The following TTC17 variants were observed in gnomAD, a reference collection of about 807,000 sequenced individuals.
The protein encoded by TTC17 is tetratricopeptide repeat domain 17.
A neutral mutation model predicts 143.8 loss-of-function variants in TTC17; 58 were observed. The ratio of observed to expected loss-of-function variants is 0.40; its 90% CI spans 0.33 to 0.50. The LOEUF (loss-of-function observed/expected upper bound fraction) is 0.50, where lower values mean the gene tolerates loss of function less well. TTC17 is among the 20% of genes least tolerant of loss of function. The probability of loss-of-function intolerance (pLI) is 0.49; values close to 1 mark genes in which losing one functional copy is unlikely to be tolerated. For missense variants in TTC17, 1,273 were observed against 1,392.5 expected (o/e 0.91, Z 1.37); for synonymous variants, 501 against 497.8 (o/e 1.01, Z -0.09).
At position 43,359,120 on chromosome 11, in the gene TTC17, G is replaced by A. The variant is rs1259840361; in HGVS notation, c.159+7G>A. The A allele has an allele frequency of 1.9e-6, 3 of 1,578,162 alleles. No homozygotes were observed. Among genetic ancestry groups the A allele is most frequent in the Non-Finnish European group, 1.7e-6 (2 of 1,164,468 alleles). On this transcript the variant is annotated splice_region_variant and intron_variant, in intron 1 of 23. Transcript: ENST00000039989. ...CGGGAAAATCCAGCAGCAGGTAGCG[G>A]CCGGGGCGTCCCTCTTCTCCCGTGC...
chr11:43,483,055 T>C (rs1010842906), intron 21 of TTC17, among the ~76,000 whole-genome samples: 2 of 152,146 alleles, frequency 1.3e-5, no homozygotes, highest in African/African-American at 4.8e-5. Context: ...AAGCATATAA[T>C]TGCAACTTTA....
intron 6 of TTC17, 64 bp downstream of exon 6, chr11:43,396,882 C>T: frequency 1.1e-6 from 1 of 937,092 alleles, no homozygotes; most frequent in Non-Finnish European, 1.6e-6. Flanking sequence ...AGAAACAATA[C>T]ATAAGAAAGC....
intron 23 of TTC17, 36 bp downstream of exon 23, chr11:43,492,199 G>T: frequency 1.3e-6 from 2 of 1,590,956 alleles, no homozygotes; most frequent in South Asian, 2.3e-5. Flanking sequence ...TACCAACTCT[G>T]CCAAACAGTA....
chr11:43,359,538 G>A (rs932116132), intron 1 of TTC17, among the ~76,000 whole-genome samples: 1 of 152,224 alleles, frequency 6.6e-6, no homozygotes, highest in African/African-American at 2.4e-5. Context: ...CGAGTCCCAT[G>A]GTATGACAGC....
chr11:43,475,772 G>C (rs1467339874), intron 21 of TTC17, among the ~76,000 whole-genome samples: 2 of 152,164 alleles, frequency 1.3e-5, no homozygotes, highest in African/African-American at 2.4e-5. Context: ...TCAAATTTGG[G>C]ATTTTCAGAT....
intron 1 of TTC17, among the ~76,000 whole-genome samples, chr11:43,378,240 A>C (rs920550334): frequency 1.3e-5 from 2 of 152,168 alleles, no homozygotes; most frequent in Non-Finnish European, 2.9e-5. Context: ...TCACACTTCC[A>C]CAGTTTCTTC....
intron 16 of TTC17, among the ~76,000 whole-genome samples, chr11:43,421,643 T>G (rs1052158079): frequency 6.6e-6 from 1 of 152,212 alleles, no homozygotes; most frequent in Non-Finnish European, 1.5e-5. Flanking sequence ...ACGATCCTTA[T>G]GAGAATCTAA....
chr11:43,467,819 G>A (rs1210526723), intron 21 of TTC17, among the ~76,000 whole-genome samples: 1 of 151,780 alleles, frequency 6.6e-6, no homozygotes, highest in African/African-American at 2.4e-5. Flanking sequence ...AAGACATAAA[G>A]GAATTTGTGG....
At position 43,391,589 on chromosome 11, in the gene TTC17, C is replaced by T. The variant is rs1312465322; in HGVS notation, c.531+13C>T. On this transcript the variant is annotated intron_variant, in intron 4 of 23. Transcript: ENST00000039989. ...TCAGCACTTGAGAGTAAGTAGAGAA[C>T]TTTAGGATTTTTTTTTTTTTGCGTT... The T allele has an allele frequency of 7.0e-7, 1 of 1,433,908 alleles. No individual in the cohort carries two copies. Among genetic ancestry groups the T allele is most frequent in the Non-Finnish European group, 9.3e-7 (1 of 1,076,626 alleles). 88.8% of individuals were successfully genotyped at this position (1,433,908 alleles called of 1,614,324 possible).
chr11:43,414,721 C>G lies in TTC17; in HGVS notation c.2196C>G (p.Ile732Met). ...CPECENSLKL[I>M]RCMQFYPFLY... is the part of the protein sequence containing the mutation. The stretch of plus-strand genomic sequence containing the variant: ...AGTGTGAAAACAGCCTGAAGTTGAT[C>G]CGCTGTATGCAGTTTTATCCTTTTC... The change falls in exon 16 of 24, where the codon ATC becomes ATG. Residue 732 changes from isoleucine to methionine, a missense_variant. Ile to Met is a conservative substitution (Grantham distance 10, BLOSUM62 1). Around this residue, in one of 3 missense-constraint regions of TTC17, gnomAD observed 878 missense variants for 899.8 expected, o/e 0.98. Transcript: ENST00000039989. The G allele has an allele frequency of 1.2e-6, 2 of 1,613,696 alleles. No homozygotes were observed. The highest frequency in any genetic ancestry group is 8.5e-7 in the Non-Finnish European group (1 of 1,179,778).
chr11:43,490,505 G>A, intron 22 of TTC17, 147 bp downstream of exon 22: 2 of 1,289,766 alleles, frequency 1.6e-6, no homozygotes, highest in South Asian at 1.9e-5. Flanking sequence ...CCTTCTGACT[G>A]GGCTTGTGCC....
chr11:43,397,537 C>CTTTT (rs376723044), intron 7 of TTC17, 46 bp downstream of exon 7: 93 of 1,215,946 alleles, frequency 7.6e-5, no homozygotes, highest in Middle Eastern at 2.8e-4. Flanking sequence ...TTGCCACTTT[C>CTTTT]TTTTTTTTTT....
At chr11:43,465,802 G>A (rs1482995517) in intron 21 of TTC17, among the ~76,000 whole-genome samples, 4 of 152,136 alleles carry the variant, frequency 2.6e-5, no homozygotes, top group Admixed American at 2.0e-4. Flanking sequence ...ATGGTCCAAA[G>A]ACCTAAGTGT....
chr11:43,373,961 G>A (rs1295000356), intron 1 of TTC17, among the ~76,000 whole-genome samples: 3 of 152,132 alleles, frequency 2.0e-5, no homozygotes, highest in Admixed American at 2.0e-4. Context: ...CTGATCTCTG[G>A]TACCTTAGCC....
intron 1 of TTC17, among the ~76,000 whole-genome samples, chr11:43,366,278 T>C (rs1238879546): frequency 6.6e-6 from 1 of 152,090 alleles, no homozygotes; most frequent in East Asian, 1.9e-4. Flanking sequence ...GTTCTTCTCC[T>C]TTGTTTTATT....
chr11:43,393,326 C>T (rs184087991), intron 5 of TTC17, among the ~76,000 whole-genome samples: 7 of 152,206 alleles, frequency 4.6e-5, no homozygotes, highest in Non-Finnish European at 7.4e-5. Context: ...GAACAGCTCA[C>T]GGAAGTCAGG....
At chr11:43,395,012 T>C (rs2134543904) in intron 5 of TTC17, among the ~76,000 whole-genome samples, 1 of 152,286 alleles carries the variant, frequency 6.6e-6, no homozygotes, top group Non-Finnish European at 1.5e-5. Flanking sequence ...ACAAAGATAT[T>C]TCTTTAAATA....
Position 43,402,288 on chromosome 11 carries a change from T to C in TTC17, c.1332+730T>C, listed in dbSNP as rs189927717. On this transcript the variant is annotated intron_variant, in intron 10 of 23. Coordinates refer to ENST00000039989, the MANE Select transcript of TTC17 (RefSeq NM_018259.6). ...CCTATTTAAAATTTGAGAGCAACCA[T>C]GCTATTTGTTTCCTGAAGTAATCAG... Among the ~76,000 whole-genome samples, 12 of 152,298 alleles carry C rather than the reference T, an allele frequency of 7.9e-5. No individual in the cohort carries two copies. In the East Asian group the frequency reaches 2.1e-3, roughly 27 times the overall value.
Position 43,389,754 on chromosome 11 carries a change from A to C in TTC17, c.352A>C (p.Lys118Gln), listed in dbSNP as rs1382073831. ...AGAAGACCCAGACTGCATCAAAGCC[A>C]AGGTGCCCTTAGGGGACCTGGATCT... Reference protein sequence around the residue: ...NKEDPDCIKAKVPLGDLDLYD... With the variant: ...NKEDPDCIKAQVPLGDLDLYD... Residue 118 changes from lysine (K) to glutamine (Q), a missense_variant, in exon 3 of 24, where the codon AAG (lysine) becomes CAG (glutamine). By Grantham distance (53) the Lys-to-Gln change is moderately conservative. Transcript: ENST00000039989. 2 of 1,614,010 alleles carry C rather than the reference A, an allele frequency of 1.2e-6. No individual in the cohort carries two copies. Among genetic ancestry groups the C allele is most frequent in the Admixed American group, 1.7e-5 (1 of 60,004 alleles).
Sources: gnomAD v4.1 joint callset for allele counts (sites outside exome capture counted in the v4.1 genomes callset) on GRCh38, gnomAD v4.1.1 for gene constraint, gnomAD v4.1.1 regional missense constraint, MANE v1.5 for transcripts, NCBI Gene and HGNC (gene_info 2026-07-23, HGNC 2026-07-21) for gene names.